Variants in KMT2A observed in about 807,000 individuals in gnomAD.
KMT2A encodes histone-lysine N-methyltransferase 2A.
A neutral mutation model predicts 345.3 loss-of-function variants in KMT2A; 16 were observed. That is an observed-to-expected ratio of 0.05 (90% CI 0.03 to 0.07). The LOEUF (loss-of-function observed/expected upper bound fraction) is 0.07. KMT2A is among the 10% of genes least tolerant of loss of function. The pLI is 1.00. For missense variants in KMT2A, 3,272 were observed against 4,841.6 expected, an observed-to-expected ratio of 0.68 and a Z score of 9.62; for synonymous variants, 1,599 against 1,778.6, an observed-to-expected ratio of 0.90 and a Z score of 2.54.
chr11:118,482,213 C>A, intron 7 of KMT2A, 121 bp downstream of exon 7: 1 of 1,164,132 alleles, frequency 8.6e-7, no homozygotes, highest in Non-Finnish European at 1.2e-6. Context: ...TCAAGAAAAT[C>A]AGCTCTCTTT....
Position 118,490,694 on chromosome 11 carries a change from A to G in KMT2A, c.4696+445A>G, listed in dbSNP as rs1407569508. On this transcript the variant is annotated intron_variant, in intron 13 of 35. Coordinates refer to ENST00000534358, the MANE Select transcript of KMT2A (RefSeq NM_001197104.2). This position sits in a 1 kb window ranked among gnomAD's most constrained non-coding sequence, Gnocchi z 4.2. ...TAAGCAGATCAGTTTGAAGAAGTTC[A>G]TTAAGTAAAAAATAATATAGGAGAT... Among the ~76,000 whole-genome samples the G allele has an allele frequency of 6.6e-6, 1 of 152,132 alleles. No individual in the cohort carries two copies. The highest frequency in any genetic ancestry group is 1.5e-5 in the Non-Finnish European group (1 of 68,020).
rs782104581 is a variant in KMT2A, at chr11:118,506,140, G to A, written c.10248G>A (p.Gln3416=). Residue 3416 remains glutamine, a synonymous_variant, in exon 27 of 36, where the codon CAG becomes CAA. Transcript: ENST00000534358. ...TGTTTCCACAACTGGGGACATCACAGACCCCCTCTACTGCTGCAATAACAG... is the reference window on the plus strand; with the variant it reads ...TGTTTCCACAACTGGGGACATCACAAACCCCCTCTACTGCTGCAATAACAG... ...SGMFPQLGTS[Q]TPSTAAITAA... is the part of the protein sequence containing the mutation. The A allele has an allele frequency of 6.2e-7, 1 of 1,614,158 alleles. No homozygotes were observed. The highest frequency in any genetic ancestry group is 8.5e-7 in the Non-Finnish European group (1 of 1,180,030).
In KMT2A at chr11:118,505,720, A is replaced by C; in HGVS notation, c.9828A>C (p.Ser3276=). The part of the protein sequence containing the change: ...PNHPSLLDLG[S]LNTSSHRTVP... Reference sequence around the variant, plus strand: ...ATCCAAGTCTGTTAGATTTGGGGTCACTTAATACTTCATCTCACCGAACTG... The same window carrying C: ...ATCCAAGTCTGTTAGATTTGGGGTCCCTTAATACTTCATCTCACCGAACTG... The change falls in exon 27 of 36, where the codon TCA becomes TCC. Residue 3276 remains serine, a synonymous_variant. Coordinates refer to ENST00000534358, the MANE Select transcript of KMT2A (RefSeq NM_001197104.2). The surrounding 1 kb of genome is among the most constrained non-coding windows in gnomAD (Gnocchi z 4.6). 1 of 1,614,178 alleles carries C rather than the reference A, an allele frequency of 6.2e-7. No homozygotes were observed. The highest frequency in any genetic ancestry group is 1.1e-5 in the South Asian group (1 of 91,088).
chr11:118,494,407 T>C lies in KMT2A; in HGVS notation c.5289+9T>C. On this transcript the variant is annotated intron_variant, in intron 17 of 35. Coordinates refer to ENST00000534358, the MANE Select transcript of KMT2A (RefSeq NM_001197104.2). The surrounding 1 kb of genome is among the most constrained non-coding windows in gnomAD (Gnocchi z 5.8). ...AGTCCTTCTTCATTCGGGTGAATGA[T>C]ATTACTAATTCATGTTTTTAATGCT... is the stretch of plus-strand genomic sequence containing the variant. 3 of 1,370,936 alleles carry C rather than the reference T, an allele frequency of 2.2e-6. No homozygotes were observed. Among genetic ancestry groups the C allele is most frequent in the Non-Finnish European group, 3.1e-6 (3 of 959,274 alleles). The allele number at this position is 1,370,936 out of a possible 1,614,324, so 84.9% of individuals were successfully genotyped here.
In KMT2A at chr11:118,489,849, A is replaced by C; in HGVS notation, c.4537A>C (p.Asn1513His). ...CTATCACCCTGAGTGCCTGGGACCA[A>C]ACTACCCCACCAAACCCACAAAGAA... ...NSYHPECLGP[N>H]YPTKPTKKKK... Residue 1513 changes from asparagine to histidine, a missense_variant, in exon 12 of 36, where the codon AAC becomes CAC. Around this residue, in one of 27 missense-constraint regions of KMT2A, gnomAD observed 120 missense variants for 280.4 expected, o/e 0.43. Transcript: ENST00000534358. The C allele has an allele frequency of 1.2e-6, 2 of 1,614,192 alleles. No homozygotes were observed. The highest frequency in any genetic ancestry group is 1.7e-6 in the Non-Finnish European group (2 of 1,180,034).
chr11:118,520,110 C>A lies in KMT2A; in HGVS notation c.11429+46C>A, dbSNP rs1555053044. On this transcript the variant is annotated intron_variant, in intron 33 of 35. Coordinates refer to ENST00000534358, the MANE Select transcript of KMT2A (RefSeq NM_001197104.2). The surrounding 1 kb of genome is among the most constrained non-coding windows in gnomAD (Gnocchi z 4.3). ...AGTCATTAGAAACTGCTTTCCCTCT[C>A]CTCCAGCTGGTCAGGGCACTACGTA... is the stretch of plus-strand genomic sequence containing the variant. 1 of 1,274,338 alleles carries A rather than the reference C, an allele frequency of 7.8e-7. No individual in the cohort carries two copies. The highest frequency in any genetic ancestry group is 1.2e-5 in the South Asian group (1 of 81,526). The allele number at this position is 1,274,338 out of a possible 1,614,324, so 78.9% of individuals were successfully genotyped here.
rs2134365045 is a variant in KMT2A, at chr11:118,498,093, T to C, written c.5802+20T>C. 6.2e-7 allele frequency: 1 copy of C among 1,608,610 alleles called. No homozygotes were observed. The highest frequency in any genetic ancestry group is 1.1e-5 in the South Asian group (1 of 89,988). On this transcript the variant is annotated intron_variant, in intron 21 of 35. Coordinates refer to ENST00000534358, the MANE Select transcript of KMT2A (RefSeq NM_001197104.2). This position sits in a 1 kb window ranked among gnomAD's most constrained non-coding sequence, Gnocchi z 4.4. ...CAGCTGGTAAGACCTTATGGGTAAA[T>C]TTTATGAAAGAGATTCCCTCTCAGT...
rs1555046779 is a variant in KMT2A at position 118,503,622 on chromosome 11, G to A, written c.7730G>A (p.Ser2577Asn). ...GGAGATGGTCCAGTGGCCCAACCAAGCCCCAATAATACCTCATGCCAGGAT... is the reference window on the plus strand; with the variant it reads ...GGAGATGGTCCAGTGGCCCAACCAAACCCCAATAATACCTCATGCCAGGAT... ...NPGDGPVAQP[S>N]PNNTSCQDSQ... is the part of the protein sequence containing the mutation. The change falls in exon 27 of 36, where the codon AGC (serine) becomes AAC (asparagine). Residue 2577 changes from serine to asparagine, a missense_variant. Ser to Asn is a conservative substitution (Grantham distance 46). Around this residue, in one of 27 missense-constraint regions of KMT2A, gnomAD observed 445 missense variants for 500.9 expected, o/e 0.89. Coordinates refer to ENST00000534358, the MANE Select transcript of KMT2A (RefSeq NM_001197104.2). This position sits in a 1 kb window ranked among gnomAD's most constrained non-coding sequence, Gnocchi z 5.3. The A allele has an allele frequency of 1.2e-6, 2 of 1,613,998 alleles. No homozygotes were observed. Among genetic ancestry groups the A allele is most frequent in the African/African-American group, 2.7e-5 (2 of 74,906 alleles).
chr11:118,484,062 T>C lies in KMT2A; in HGVS notation c.4087-121T>C, dbSNP rs1466016831. On this transcript the variant is annotated intron_variant, in intron 8 of 35. Transcript: ENST00000534358. The surrounding 1 kb of genome is among the most constrained non-coding windows in gnomAD (Gnocchi z 4.1). Reference sequence around the variant, plus strand: ...AAAAAAAATTCAAAGATTATTTGTTTATGTTGGAAACATGTTTTTTAGATC... The same window carrying C: ...AAAAAAAATTCAAAGATTATTTGTTCATGTTGGAAACATGTTTTTTAGATC... The C allele has an allele frequency of 9.9e-7, 1 of 1,012,454 alleles. No homozygotes were observed. Among genetic ancestry groups the C allele is most frequent in the Non-Finnish European group, 1.4e-6 (1 of 695,968 alleles). The allele number at this position is 1,012,454 out of a possible 1,614,324, so 62.7% of individuals were successfully genotyped here. A position where few individuals can be genotyped will look rare whatever the true frequency, so the allele number is the denominator to read the frequency against.
chr11:118,437,756 T>C (rs1295997886), intron 1 of KMT2A, among the ~76,000 whole-genome samples: 2 of 151,710 alleles, frequency 1.3e-5, no homozygotes, highest in Non-Finnish European at 2.9e-5. Context: ...CTCCACCCTT[T>C]CCCTCCTTTA....
chr11:118,506,281 C>T lies in KMT2A; in HGVS notation c.10389C>T (p.Ala3463=). 2 of 1,614,188 alleles carry T rather than the reference C, an allele frequency of 1.2e-6. No homozygotes were observed. The highest frequency in any genetic ancestry group is 1.7e-6 in the Non-Finnish European group (2 of 1,180,042). The change falls in exon 27 of 36, where the codon GCC becomes GCT. Residue 3463 remains alanine (A), a synonymous_variant. Transcript: ENST00000534358. ...TTCAGCATGTGAACCAGCTCCTTGC[C>T]AGCAAAACTGGGATTCATTCTTCCC... ...YQLQHVNQLL[A]SKTGIHSSQR... is the part of the protein sequence containing the mutation.
At chr11:118,511,163 G>A (rs2134435522) in intron 30 of KMT2A, among the ~76,000 whole-genome samples, 1 of 152,188 alleles carries the variant, frequency 6.6e-6, no homozygotes, top group East Asian at 1.9e-4. Flanking sequence ...GACAGATTGA[G>A]CATGAACTGG....
At chr11:118,507,010 T>C (rs1375896916) in intron 27 of KMT2A, among the ~76,000 whole-genome samples, 1 of 152,204 alleles carries the variant, frequency 6.6e-6, no homozygotes, top group African/African-American at 2.4e-5. Context: ...AACTTTATCA[T>C]TGAAAGCCAA....
intron 27 of KMT2A, 106 bp downstream of exon 27, chr11:118,506,752 C>T: frequency 8.2e-7 from 1 of 1,226,356 alleles, no homozygotes; most frequent in East Asian, 2.4e-5. Context: ...GTTCAAGTTG[C>T]ATTACCTGGG....
intron 1 of KMT2A, among the ~76,000 whole-genome samples, chr11:118,459,670 A>AT (rs1167349535): frequency 0.022 from 3,195 of 145,884 alleles, 124 homozygotes; most frequent in African/African-American, 0.071. Flanking sequence ...ATTGAAAATA[A>AT]TTTTTTTTTT....
At chr11:118,477,431 C>T (rs1038368105) in intron 4 of KMT2A, among the ~76,000 whole-genome samples, 5 of 146,038 alleles carry the variant, frequency 3.4e-5, no homozygotes, top group African/African-American at 7.7e-5. Flanking sequence ...TTTCTATTCT[C>T]GATTTTAGAT....
rs1415230992 is a variant in KMT2A, at chr11:118,484,477, T to C, written c.4218+163T>C. ...TTAGCGCTGGGAGAGCTTTGGTCAG[T>C]GTTGTTAGGTCACTGTTTGTGAACT... On this transcript the variant is annotated intron_variant, in intron 9 of 35. Coordinates refer to ENST00000534358, the MANE Select transcript of KMT2A (RefSeq NM_001197104.2). This position sits in a 1 kb window ranked among gnomAD's most constrained non-coding sequence, Gnocchi z 4.1. 1.5e-6 allele frequency: 1 copy of C among 678,048 alleles called. No individual in the cohort carries two copies. The highest frequency in any genetic ancestry group is 2.5e-6 in the Non-Finnish European group (1 of 404,724). The allele number at this position is 678,048 out of a possible 1,614,324, so 42.0% of individuals were successfully genotyped here.
rs143843795 is a variant in KMT2A, at chr11:118,504,857, G to A, written c.8965G>A (p.Glu2989Lys). 2.8e-4 allele frequency: 445 copies of A among 1,614,106 alleles called. 1 individual carries two copies. The highest frequency in any genetic ancestry group is 3.5e-4 in the Non-Finnish European group (412 of 1,180,010). Residue 2989 changes from glutamate to lysine, a missense_variant, in exon 27 of 36, where the codon GAA becomes AAA. Physicochemically the swap from Glu to Lys is moderately conservative, Grantham distance 56. Around this residue, in one of 27 missense-constraint regions of KMT2A, gnomAD observed 748 missense variants for 922.2 expected, o/e 0.81. Transcript: ENST00000534358. This position sits in a 1 kb window ranked among gnomAD's most constrained non-coding sequence, Gnocchi z 6.4. ...LLSPGVDPTP[E>K]GHMTPDHFIQ... ...GAGCCCAGGAGTAGATCCAACTCCT[G>A]AAGGCCACATGACTCCTGATCATTT...
intron 1 of KMT2A, among the ~76,000 whole-genome samples, chr11:118,466,570 C>A (rs1357984706): frequency 1.3e-5 from 2 of 151,980 alleles, no homozygotes; most frequent in African/African-American, 4.8e-5. Context: ...AATCCCAGCA[C>A]TTTGGGAAGC....
Sources: gnomAD v4.1 joint callset for allele counts (sites outside exome capture counted in the v4.1 genomes callset) on GRCh38, gnomAD v4.1.1 for gene constraint, gnomAD v4.1.1 regional missense constraint, Gnocchi (gnomAD v3.1) non-coding constraint, MANE v1.5 for transcripts, NCBI Gene and HGNC (gene_info 2026-07-23, HGNC 2026-07-21) for gene names.